The following XPR1 variants were observed in gnomAD, a reference collection of about 807,000 sequenced individuals.
XPR1 encodes the protein xenotropic and polytropic retrovirus receptor 1.
A neutral mutation model predicts 87.5 loss-of-function variants in XPR1; 28 were observed. That is an observed-to-expected ratio of 0.32 (90% CI 0.24 to 0.44). The LOEUF (loss-of-function observed/expected upper bound fraction) is 0.44, where lower values mean the gene tolerates loss of function less well. Among genes scored for constraint, XPR1 ranks in the 20% least tolerant of loss-of-function variants. The probability of loss-of-function intolerance (pLI) is 1.00; values close to 1 mark genes in which losing one functional copy is unlikely to be tolerated. For synonymous variants in XPR1, 300 were observed against 306.1 expected (o/e 0.98, Z 0.21); for missense variants, 559 against 862.3 (o/e 0.65, Z 4.41).
At chr1:180,863,556 C>T (rs143905577) in intron 11 of XPR1, 152 bp from the exon 12 acceptor site, 9 of 531,010 alleles carry the variant, frequency 1.7e-5, no homozygotes, top group African/African-American at 3.9e-5. Flanking sequence ...TATTATTTAA[C>T]CTTTGTTAGA....
chr1:180,853,755 T>C (rs1404889459), intron 11 of XPR1, among the ~76,000 whole-genome samples: 1 of 151,464 alleles, frequency 6.6e-6, no homozygotes, highest in African/African-American at 2.4e-5. Context: ...TTGGCAGCCT[T>C]ACCTTCTGTG....
intron 2 of XPR1, among the ~76,000 whole-genome samples, chr1:180,737,144 A>C (rs1658754129): frequency 6.6e-6 from 1 of 152,184 alleles, no homozygotes; most frequent in Non-Finnish European, 1.5e-5. Flanking sequence ...ACTTTACTGC[A>C]GAACACCTTG....
At chr1:180,676,447 T>A (rs1656371951) in intron 1 of XPR1, among the ~76,000 whole-genome samples, 1 of 152,224 alleles carries the variant, frequency 6.6e-6, no homozygotes, top group Admixed American at 6.5e-5. Context: ...AATTTTTCCT[T>A]TCTCGTTACA....
At chr1:180,862,637 C>T (rs1011771890) in intron 11 of XPR1, among the ~76,000 whole-genome samples, 1 of 152,068 alleles carries the variant, frequency 6.6e-6, no homozygotes, top group Non-Finnish European at 1.5e-5. Context: ...GTTTCACTCT[C>T]TAGATTATAA....
intron 2 of XPR1, among the ~76,000 whole-genome samples, chr1:180,740,442 A>G (rs1193301533): frequency 6.6e-6 from 1 of 151,254 alleles, no homozygotes; most frequent in East Asian, 1.9e-4. Context: ...TTTTCTTTAC[A>G]CTGTAATTTA....
At chr1:180,718,369 T>C (rs1039868252) in intron 2 of XPR1, among the ~76,000 whole-genome samples, 8 of 152,320 alleles carry the variant, frequency 5.3e-5, no homozygotes, top group Non-Finnish European at 1.0e-4. Context: ...CATAAAATAG[T>C]ATTTGGACCA....
At chr1:180,690,912 CTATG>C (rs2101956908) in intron 2 of XPR1, among the ~76,000 whole-genome samples, 1 of 151,724 alleles carries the variant, frequency 6.6e-6, no homozygotes, top group Admixed American at 6.6e-5. Context: ...GGTTGCTTCT[CTATG>C]TGTGTGTGTG....
At chr1:180,840,476 C>G (rs1338622822) in intron 11 of XPR1, among the ~76,000 whole-genome samples, 1 of 150,486 alleles carries the variant, frequency 6.6e-6, no homozygotes, top group African/African-American at 2.4e-5. Context: ...TCTTCATACC[C>G]TAATTGGGAA....
intron 2 of XPR1, among the ~76,000 whole-genome samples, chr1:180,769,680 G>T (rs551675266): frequency 6.6e-6 from 1 of 152,230 alleles, no homozygotes; most frequent in African/African-American, 2.4e-5. Flanking sequence ...TCATTCATCT[G>T]TCAATGGACA....
chr1:180,847,228 G>C (rs1651716005), intron 11 of XPR1, among the ~76,000 whole-genome samples: 1 of 152,122 alleles, frequency 6.6e-6, no homozygotes, highest in Admixed American at 6.5e-5. Flanking sequence ...ATGAATATTA[G>C]ACTAATTCTG....
At chr1:180,785,603 A>G (rs556917035) in intron 2 of XPR1, among the ~76,000 whole-genome samples, 1 of 152,068 alleles carries the variant, frequency 6.6e-6, no homozygotes, top group Admixed American at 6.6e-5. Flanking sequence ...TGGTGATACT[A>G]TAAATAGTTG....
intron 2 of XPR1, among the ~76,000 whole-genome samples, chr1:180,757,593 T>A (rs1647797838): frequency 1.3e-5 from 2 of 149,836 alleles, no homozygotes; most frequent in Admixed American, 6.7e-5. Flanking sequence ...ACTGCATCAC[T>A]ACAACCTCAA....
At chr1:180,758,114 T>TAAACACACACACAC (rs1553245336) in intron 2 of XPR1, among the ~76,000 whole-genome samples, 2 of 141,094 alleles carry the variant, frequency 1.4e-5, no homozygotes, top group Non-Finnish European at 3.1e-5. Flanking sequence ...TATAGAAGGA[T>TAAACACACACACAC]ACACACACAC....
chr1:180,866,709 A>G (rs1652403866), intron 12 of XPR1, among the ~76,000 whole-genome samples: 1 of 152,170 alleles, frequency 6.6e-6, no homozygotes, highest in African/African-American at 2.4e-5. Context: ...CCTCATAATA[A>G]TCCTCATTAA....
chr1:180,827,853 A>G (rs1650906066), intron 9 of XPR1, among the ~76,000 whole-genome samples: 1 of 149,584 alleles, frequency 6.7e-6, no homozygotes, highest in Non-Finnish European at 1.5e-5. Flanking sequence ...CCTAAAGTAA[A>G]AGTACATTTC....
intron 2 of XPR1, among the ~76,000 whole-genome samples, chr1:180,748,576 G>A (rs969711351): frequency 4.0e-5 from 6 of 151,230 alleles, no homozygotes; most frequent in African/African-American, 9.7e-5. Context: ...GCGCCACCAC[G>A]CCCGGCTAAT....
At chr1:180,809,826 A>G (rs1650144687) in intron 6 of XPR1, among the ~76,000 whole-genome samples, 1 of 152,176 alleles carries the variant, frequency 6.6e-6, no homozygotes, top group African/African-American at 2.4e-5. Flanking sequence ...TATATATGAT[A>G]AATTAAACAA....
chr1:180,770,570 G>A (rs868670943), intron 2 of XPR1, among the ~76,000 whole-genome samples: 2 of 152,162 alleles, frequency 1.3e-5, no homozygotes, highest in Non-Finnish European at 2.9e-5. Flanking sequence ...TTAGTCTGCA[G>A]CAGATGGTTT....
chr1:180,866,582 T>C (rs1047098501), intron 12 of XPR1, among the ~76,000 whole-genome samples: 4 of 152,148 alleles, frequency 2.6e-5, no homozygotes, highest in Non-Finnish European at 4.4e-5. Context: ...GCACATGAAA[T>C]TGCAGTTCTT....
Sources: gnomAD v4.1 joint callset for allele counts (sites outside exome capture counted in the v4.1 genomes callset) on GRCh38, gnomAD v4.1.1 for gene constraint, MANE v1.5 for transcripts, NCBI Gene and HGNC (gene_info 2026-07-23, HGNC 2026-07-21) for gene names.